The following AP3D1 variants were observed in gnomAD, a reference collection of about 807,000 sequenced individuals.
The protein encoded by AP3D1 is AP-3 complex subunit delta-1.
A neutral mutation model predicts 147.6 loss-of-function variants in AP3D1; 51 were observed. That is an observed-to-expected ratio of 0.35 (90% confidence interval 0.28 to 0.44). AP3D1 has a LOEUF of 0.44. Among genes scored for constraint, AP3D1 ranks in the 20% least tolerant of loss-of-function variants. The pLI, the probability that AP3D1 is intolerant of heterozygous loss-of-function variation, is 1.00. For synonymous variants in AP3D1, 760 were observed against 663.0 expected (o/e 1.15, Z -2.25); for missense variants, 1,421 against 1,624.2 (o/e 0.87, Z 2.15).
In AP3D1 at chr19:2,120,843, A is replaced by C. The variant is rs1218069422; in HGVS notation, c.1481+19T>G. The C allele has an allele frequency of 1.3e-6, 2 of 1,597,152 alleles. No individual in the cohort carries two copies. Among genetic ancestry groups the C allele is most frequent in the Admixed American group, 3.3e-5 (2 of 59,904 alleles). Reference sequence around the variant, plus strand: ...AAGCTTGGAGAAGCTGCCAGCCCAGAGGCCCAGCGCCCACTCACTCTGAGA... The same window carrying C: ...AAGCTTGGAGAAGCTGCCAGCCCAGCGGCCCAGCGCCCACTCACTCTGAGA... On this transcript the variant is annotated intron_variant, in intron 14 of 31. Coordinates refer to ENST00000643116, the MANE Select transcript of AP3D1 (RefSeq NM_001261826.3).
upstream of AP3D1, among the ~76,000 whole-genome samples, chr19:2,156,326 T>C (rs2019645115): frequency 6.6e-6 from 1 of 152,066 alleles, no homozygotes; most frequent in Non-Finnish European, 1.5e-5. Flanking sequence ...TCATCCATCC[T>C]TCCACCTCCC....
At position 2,110,084 on chromosome 19, in the gene AP3D1, G is replaced by C; in HGVS notation, c.3264+52C>G. On this transcript the variant is annotated intron_variant, in intron 28 of 31. Coordinates refer to ENST00000643116, the MANE Select transcript of AP3D1 (RefSeq NM_001261826.3). ...GACACCCACTGCGATGGGGCAGGAG[G>C]AGCCCCTGCCTGCAGAGTCGGCTCT... 2.5e-6 allele frequency: 4 copies of C among 1,580,568 alleles called. No homozygotes were observed. In the South Asian group the frequency reaches 4.4e-5, roughly 17 times the overall value.
intron 1 of AP3D1, among the ~76,000 whole-genome samples, chr19:2,159,420 G>A (rs1314866749): frequency 2.1e-5 from 3 of 141,296 alleles, no homozygotes; most frequent in Non-Finnish European, 4.6e-5. Context: ...ACGGAGTCTC[G>A]CTCTGTGGCC....
chr19:2,163,694 C>G (rs2019790641), intron 1 of AP3D1, among the ~76,000 whole-genome samples: 1 of 152,006 alleles, frequency 6.6e-6, no homozygotes, highest in Non-Finnish European at 1.5e-5. Context: ...CCCACAGGGT[C>G]TCCCCGGGTC....
chr19:2,164,543 G>A (rs2019835131), upstream of AP3D1: 4 of 275,630 alleles, frequency 1.5e-5, no homozygotes, highest in South Asian at 1.7e-4. Context: ...TCCCGGGCGC[G>A]GAACGGAAGG....
At chr19:2,116,403 C>G in intron 17 of AP3D1, 125 bp from the exon 18 acceptor site, 1 of 1,253,844 alleles carries the variant, frequency 8.0e-7, no homozygotes, top group East Asian at 2.6e-5. Flanking sequence ...TGAGCTTTCA[C>G]TAACAGGGAA....
intron 1 of AP3D1, 77 bp from the exon 2 acceptor site, chr19:2,138,791 G>GGGTAACAGAGCTAGACTC: frequency 9.5e-7 from 1 of 1,056,742 alleles, no homozygotes. Flanking sequence ...GCCAGGCACA[G>GGGTAACAGAGCTAGACTC]TGGCTCACGC....
intron 9 of AP3D1, among the ~76,000 whole-genome samples, chr19:2,124,242 C>CT (rs1426467940): frequency 6.6e-6 from 1 of 152,240 alleles, no homozygotes; most frequent in Non-Finnish European, 1.5e-5. Context: ...GGCGCTGGGT[C>CT]TCTGGGAGCC....
At chr19:2,127,247 G>A (rs2145095068) in intron 8 of AP3D1, 46 bp from the exon 9 acceptor site, 4 of 1,595,100 alleles carry the variant, frequency 2.5e-6, no homozygotes, top group East Asian at 2.2e-5. Context: ...TGGGGGCCTC[G>A]TCAGATGCAG....
intron 15 of AP3D1, 37 bp from the exon 16 acceptor site, chr19:2,117,404 C>A: frequency 6.5e-7 from 1 of 1,529,310 alleles, no homozygotes; most frequent in South Asian, 1.2e-5. Flanking sequence ...GGCACCTGCC[C>A]GGAAGGCCAC....
intron 29 of AP3D1, chr19:2,109,571 G>A (rs2018207711): frequency 4.0e-6 from 2 of 497,368 alleles, no homozygotes; most frequent in South Asian, 5.2e-5. Context: ...GCCAAGCCGT[G>A]CCGAGGAGAG....
intron 9 of AP3D1, among the ~76,000 whole-genome samples, chr19:2,125,040 C>T (rs2018714442): frequency 1.3e-5 from 2 of 152,198 alleles, no homozygotes; most frequent in African/African-American, 2.4e-5. Context: ...GCAGTGTACA[C>T]TGCCTGGGTG....
At chr19:2,108,828 G>C (rs761866778) in intron 30 of AP3D1, 62 bp from the exon 31 acceptor site, 4 of 1,517,844 alleles carry the variant, frequency 2.6e-6, no homozygotes, top group South Asian at 2.4e-5. Context: ...CCCACCCCCA[G>C]AGCAGGGGCC....
At chr19:2,113,001 G>A (rs1209174433) in intron 23 of AP3D1, 34 bp from the exon 24 acceptor site, 26 of 1,545,968 alleles carry the variant, frequency 1.7e-5, no homozygotes, top group African/African-American at 2.7e-5. Flanking sequence ...CTCATGCTGG[G>A]CAATGAGGGG....
chr19:2,115,694 G>A (rs1186878083), intron 18 of AP3D1, 81 bp from the exon 19 acceptor site: 34 of 1,426,996 alleles, frequency 2.4e-5, no homozygotes, highest in Middle Eastern at 2.2e-4. Flanking sequence ...TGCAGGGAGC[G>A]TGACGCAGCC....
At chr19:2,119,571 C>A (rs2018552562) in intron 14 of AP3D1, among the ~76,000 whole-genome samples, 1 of 152,022 alleles carries the variant, frequency 6.6e-6, no homozygotes, top group Admixed American at 6.5e-5. Flanking sequence ...TGGCGGGCGC[C>A]TGTAGTCCCA....
At chr19:2,141,028 G>C (rs928438901) in intron 1 of AP3D1, among the ~76,000 whole-genome samples, 1 of 152,084 alleles carries the variant, frequency 6.6e-6, no homozygotes, top group African/African-American at 2.4e-5. Flanking sequence ...CAAAGTGCCA[G>C]GATAACAGGC....
intron 8 of AP3D1, among the ~76,000 whole-genome samples, chr19:2,128,035 T>C (rs1462694744): frequency 6.6e-6 from 1 of 152,226 alleles, no homozygotes. Context: ...GACACCCTTC[T>C]GTGAATGTGT....
intron 16 of AP3D1, 73 bp from the exon 17 acceptor site, chr19:2,116,819 G>A: frequency 6.7e-7 from 1 of 1,489,570 alleles, no homozygotes; most frequent in Non-Finnish European, 9.0e-7. Flanking sequence ...GCCCTGAGCA[G>A]GCTCACCACG....
Sources: allele counts gnomAD v4.1 joint callset (sites outside exome capture counted in the v4.1 genomes callset), GRCh38; gene constraint gnomAD v4.1.1; transcripts MANE v1.5; gene names NCBI Gene and HGNC (gene_info 2026-07-23, HGNC 2026-07-21).